TRPC7: variants seen among roughly 807,000 people sequenced by gnomAD.
TRPC7 encodes the protein short transient receptor potential channel 7.
Under a neutral mutation model 90.1 loss-of-function variants are expected in TRPC7, and 42 were observed. That is an observed-to-expected ratio of 0.47 (90% confidence interval 0.36 to 0.60). The LOEUF (loss-of-function observed/expected upper bound fraction) is 0.60, where lower values mean the gene tolerates loss of function less well. Ranked by LOEUF, TRPC7 falls within the 20% of genes least tolerant of loss-of-function variation. The pLI, the probability that TRPC7 is intolerant of heterozygous loss-of-function variation, is 0.00. For synonymous variants in TRPC7, 451 were observed against 436.3 expected (o/e 1.03, Z -0.42); for missense variants, 955 against 1,112.3 (o/e 0.86, Z 2.01).
chr5:136,337,680 A>AAAC (rs1759710220), intron 2 of TRPC7, among the ~76,000 whole-genome samples: 1 of 151,546 alleles, frequency 6.6e-6, no homozygotes, highest in Non-Finnish European at 1.5e-5. Flanking sequence ...AAAAAAAAAA[A>AAAC]ATCTGTTCTA....
chr5:136,276,500 A>G (rs2149816125), intron 3 of TRPC7, among the ~76,000 whole-genome samples: 1 of 152,310 alleles, frequency 6.6e-6, no homozygotes, highest in South Asian at 2.1e-4. Context: ...AAAATTCACA[A>G]TGTAAGTGAC....
intron 2 of TRPC7, among the ~76,000 whole-genome samples, chr5:136,326,621 T>C (rs1340051572): frequency 6.6e-6 from 1 of 152,134 alleles, no homozygotes; most frequent in African/African-American, 2.4e-5. Context: ...TGGAGAACAA[T>C]AGAGCCCATT....
intron 2 of TRPC7, among the ~76,000 whole-genome samples, chr5:136,338,916 C>A (rs1394441070): frequency 1.3e-5 from 2 of 151,964 alleles, no homozygotes; most frequent in African/African-American, 2.4e-5. Flanking sequence ...TGAAAAAAAA[C>A]CACAAAGATA....
intron 1 of TRPC7, among the ~76,000 whole-genome samples, chr5:136,359,076 A>AT (rs1760479437): frequency 6.6e-6 from 1 of 152,196 alleles, no homozygotes; most frequent in Non-Finnish European, 1.5e-5. Flanking sequence ...ATTAAATCCA[A>AT]TTTTTTGAGA....
intron 4 of TRPC7, among the ~76,000 whole-genome samples, chr5:136,271,206 G>T (rs776013966): frequency 3.7e-4 from 56 of 152,170 alleles, no homozygotes; most frequent in Admixed American, 2.9e-3. Flanking sequence ...CTGATAGATT[G>T]CACACTACAA....
At chr5:136,320,670 G>T in intron 2 of TRPC7, among the ~76,000 whole-genome samples, 1 of 151,962 alleles carries the variant, frequency 6.6e-6, no homozygotes, top group East Asian at 1.9e-4. Flanking sequence ...TATTTACTGG[G>T]GGTCTCCCCC....
At chr5:136,244,898 T>A (rs1169210089) in intron 7 of TRPC7, among the ~76,000 whole-genome samples, 1 of 152,226 alleles carries the variant, frequency 6.6e-6, no homozygotes, top group African/African-American at 2.4e-5. Context: ...GAAAGGGCGC[T>A]ATAGACCAAT....
At chr5:136,226,311 G>T in intron 8 of TRPC7, 56 bp from the exon 9 acceptor site, 2 of 1,318,074 alleles carry the variant, frequency 1.5e-6, no homozygotes, top group Non-Finnish European at 1.1e-6. Flanking sequence ...TAACAACGGA[G>T]CCCAACCTGA....
intron 3 of TRPC7, among the ~76,000 whole-genome samples, chr5:136,292,339 A>G (rs1757987270): frequency 6.6e-6 from 1 of 152,192 alleles, no homozygotes; most frequent in Admixed American, 6.5e-5. Context: ...CTTCAAAAAA[A>G]TCAATGAATC....
chr5:136,345,580 T>A (rs964235618), intron 2 of TRPC7, among the ~76,000 whole-genome samples: 4 of 152,032 alleles, frequency 2.6e-5, no homozygotes, highest in African/African-American at 9.7e-5. Flanking sequence ...AATGAGTCCT[T>A]TGTAGATTCT....
chr5:136,340,676 T>G (rs987846781), intron 2 of TRPC7, among the ~76,000 whole-genome samples: 1 of 151,900 alleles, frequency 6.6e-6, no homozygotes, highest in East Asian at 1.9e-4. Flanking sequence ...AAAATTTGAA[T>G]AAATTTTCCG....
chr5:136,345,418 G>A (rs1237175551), intron 2 of TRPC7, among the ~76,000 whole-genome samples: 3 of 151,988 alleles, frequency 2.0e-5, no homozygotes, highest in African/African-American at 7.3e-5. Flanking sequence ...ACAAAAATAC[G>A]GGCGTGGTGG....
At chr5:136,364,065 A>G (rs1369868643) in intron 1 of TRPC7, among the ~76,000 whole-genome samples, 1 of 152,224 alleles carries the variant, frequency 6.6e-6, no homozygotes, top group Non-Finnish European at 1.5e-5. Flanking sequence ...AGAGGCCCTT[A>G]TATTATGAAA....
intron 2 of TRPC7, among the ~76,000 whole-genome samples, chr5:136,326,063 A>C (rs973558539): frequency 2.0e-5 from 3 of 152,216 alleles, no homozygotes; most frequent in African/African-American, 7.2e-5. Context: ...TCATGCAGAT[A>C]AGGGGCAGCT....
At chr5:136,246,961 T>C (rs183263580) in intron 7 of TRPC7, among the ~76,000 whole-genome samples, 1 of 152,212 alleles carries the variant, frequency 6.6e-6, no homozygotes. Context: ...GCCAGCATGC[T>C]TGCTGCTGCA....
At chr5:136,275,500 G>A (rs1207695647) in intron 3 of TRPC7, among the ~76,000 whole-genome samples, 1 of 152,088 alleles carries the variant, frequency 6.6e-6, no homozygotes, top group East Asian at 1.9e-4. Flanking sequence ...AGTGGTGTTG[G>A]GCTTGAATCC....
intron 3 of TRPC7, among the ~76,000 whole-genome samples, chr5:136,298,436 AT>A (rs1429968522): frequency 1.3e-5 from 2 of 152,286 alleles, no homozygotes; most frequent in Admixed American, 6.5e-5. Flanking sequence ...TAATAGTTGG[AT>A]TTTAAGTGCT....
intron 5 of TRPC7, among the ~76,000 whole-genome samples, chr5:136,261,521 C>T (rs901026728): frequency 1.3e-5 from 2 of 152,200 alleles, no homozygotes; most frequent in African/African-American, 2.4e-5. Flanking sequence ...GTTGCCTACT[C>T]AGGTACTTTG....
chr5:136,254,974 G>A (rs942682382), intron 5 of TRPC7, among the ~76,000 whole-genome samples: 4 of 152,148 alleles, frequency 2.6e-5, no homozygotes, highest in African/African-American at 9.7e-5. Context: ...CAGATGTGAT[G>A]GAAATAAGAG....
Sources: gnomAD v4.1 joint callset for allele counts (sites outside exome capture counted in the v4.1 genomes callset) on GRCh38, gnomAD v4.1.1 for gene constraint, MANE v1.5 for transcripts, NCBI Gene and HGNC (gene_info 2026-07-23, HGNC 2026-07-21) for gene names.